The following TFCP2 variants were observed in gnomAD, a reference collection of about 807,000 sequenced individuals.
TFCP2 encodes transcription factor CP2, also known as alpha-globin transcription factor CP2.
A neutral mutation model predicts 73.4 loss-of-function variants in TFCP2; 33 were observed. That is an observed-to-expected ratio of 0.45 (90% CI 0.34 to 0.60). TFCP2 has a LOEUF of 0.60. TFCP2 is among the 20% of genes least tolerant of loss of function. The probability of loss-of-function intolerance (pLI) is 0.01; values close to 1 mark genes in which losing one functional copy is unlikely to be tolerated. For missense variants in TFCP2, 352 were observed against 604.0 expected, an observed-to-expected ratio of 0.58 and a Z score of 4.37; for synonymous variants, 193 against 211.6, an observed-to-expected ratio of 0.91 and a Z score of 0.76.
At chr12:51,158,521 C>T (rs1020166225) in intron 1 of TFCP2, among the ~76,000 whole-genome samples, 1 of 152,120 alleles carries the variant, frequency 6.6e-6, no homozygotes, top group Non-Finnish European at 1.5e-5. Flanking sequence ...TAGAGTCTTG[C>T]TCTGTCGCCC....
chr12:51,165,340 G>T (rs1941733974), intron 1 of TFCP2, among the ~76,000 whole-genome samples: 1 of 152,070 alleles, frequency 6.6e-6, no homozygotes, highest in African/African-American at 2.4e-5. Context: ...TCCCAGGAAT[G>T]CAAGAGTGGT....
At chr12:51,170,839 C>T (rs1050227570) in intron 1 of TFCP2, among the ~76,000 whole-genome samples, 2 of 152,018 alleles carry the variant, frequency 1.3e-5, no homozygotes, top group African/African-American at 2.4e-5. Context: ...CCACCACACC[C>T]GTCTAATTTT....
chr12:51,172,189 C>G, intron 1 of TFCP2, 112 bp downstream of exon 1: 2 of 1,442,994 alleles, frequency 1.4e-6, no homozygotes, highest in South Asian at 1.3e-5. Context: ...TTTCCCCAAT[C>G]GTAAACAGCT....
chr12:51,138,914 A>G (rs1209213245), intron 1 of TFCP2, among the ~76,000 whole-genome samples: 1 of 152,210 alleles, frequency 6.6e-6, no homozygotes, highest in Non-Finnish European at 1.5e-5. Flanking sequence ...CTGGGATTAC[A>G]GGTGTGAGCC....
intron 1 of TFCP2, among the ~76,000 whole-genome samples, chr12:51,119,857 C>T (rs918814399): frequency 4.6e-5 from 7 of 151,868 alleles, no homozygotes; most frequent in African/African-American, 1.7e-4. Context: ...AATGTAAGTC[C>T]ACCCAAGACT....
rs540212490 is a variant in TFCP2, at chr12:51,125,825, T to C, written c.123-7053A>G. Among the ~76,000 whole-genome samples, 121 of 152,210 alleles carry C rather than the reference T, an allele frequency of 7.9e-4. 3 individuals are homozygous for C. In the South Asian group the frequency reaches 0.02, roughly 25 times the overall value. ...AGATACAGAAATCACAGGCTGGGCG[T>C]GGTGGCTCATGCCTGTAATCCCAGC... is the stretch of plus-strand genomic sequence containing the variant. On this transcript the variant is annotated intron_variant, in intron 1 of 14. Transcript: ENST00000257915.
In TFCP2 at chr12:51,172,109, T is replaced by C. The variant is rs11169734; in HGVS notation, c.122+192A>G. On this transcript the variant is annotated intron_variant, in intron 1 of 14. Transcript: ENST00000257915. ...CCACTGATTCTGCACAGGCTTCATA[T>C]CGCCTACAATCGCTTTTTCCATTTC... 0.16 allele frequency among the ~76,000 whole-genome samples: 23,637 copies of C among 152,200 alleles called. 2,088 individuals are homozygous for C. The highest frequency in any genetic ancestry group is 0.23 in the Admixed American group (3,514 of 15,278).
chr12:51,130,188 T>C (rs1940908286), intron 1 of TFCP2, among the ~76,000 whole-genome samples: 1 of 151,498 alleles, frequency 6.6e-6, no homozygotes, highest in Non-Finnish European at 1.5e-5. Flanking sequence ...AAAGAAGCTG[T>C]TGGCCGGGCG....
At chr12:51,167,674 G>A (rs1193693786) in intron 1 of TFCP2, among the ~76,000 whole-genome samples, 3 of 152,104 alleles carry the variant, frequency 2.0e-5, no homozygotes, top group African/African-American at 4.8e-5. Flanking sequence ...GATTACAGGT[G>A]TGCACCACCA....
chr12:51,107,157 T>G (rs1458005070), intron 7 of TFCP2, 79 bp downstream of exon 7: 1 of 1,177,854 alleles, frequency 8.5e-7, no homozygotes, highest in African/African-American at 1.5e-5. Flanking sequence ...GAGAAGTAAA[T>G]TCTGACCAGT....
chr12:51,137,716 A>C (rs1941092071), intron 1 of TFCP2, among the ~76,000 whole-genome samples: 1 of 152,224 alleles, frequency 6.6e-6, no homozygotes, highest in Non-Finnish European at 1.5e-5. Flanking sequence ...GTTGAAGGGA[A>C]TCTGACTATT....
intron 1 of TFCP2, among the ~76,000 whole-genome samples, chr12:51,134,013 C>G (rs1486812669): frequency 6.7e-6 from 1 of 148,950 alleles, no homozygotes; most frequent in Non-Finnish European, 1.5e-5. Context: ...GATAAGAAAA[C>G]AAACAAAAAA....
At chr12:51,141,745 CAA>C in intron 1 of TFCP2, among the ~76,000 whole-genome samples, 1 of 135,992 alleles carries the variant, frequency 7.4e-6, no homozygotes. Flanking sequence ...ACTAAAAATA[CAA>C]AAAAAAAAAA....
At position 51,172,918 on chromosome 12, in the gene TFCP2, A is replaced by G. The variant is rs2137058374; in HGVS notation, c.-496T>C. ...GGCCTCGCTTCCGGTCAGTCCCACG[A>G]TCACTTCCGGTCACCCCTTCTCAAC... On this transcript the variant is annotated 5_prime_UTR_variant, in exon 1 of 15. Coordinates refer to ENST00000257915, the MANE Select transcript of TFCP2 (RefSeq NM_005653.5). 1 of 164,986 alleles carries G rather than the reference A, an allele frequency of 6.1e-6. No homozygotes were observed. Among genetic ancestry groups the G allele is most frequent in the Middle Eastern group, 3.1e-3 (1 of 324 alleles). The allele number at this position is 164,986 out of a possible 1,614,324, so 10.2% of individuals were successfully genotyped here. A position where few individuals can be genotyped will look rare whatever the true frequency, so the allele number is the denominator to read the frequency against.
At chr12:51,147,535 G>A (rs1045256767) in intron 1 of TFCP2, among the ~76,000 whole-genome samples, 7 of 151,608 alleles carry the variant, frequency 4.6e-5, no homozygotes, top group Non-Finnish European at 8.8e-5. Flanking sequence ...GAGGTGGGGG[G>A]GGAAAGAGAG....
At chr12:51,103,589 C>A in intron 10 of TFCP2, 81 bp downstream of exon 10, 1 of 1,038,074 alleles carries the variant, frequency 9.6e-7, no homozygotes, top group South Asian at 1.4e-5. Context: ...ACACACACAA[C>A]TCTCCCATGG....
At chr12:51,104,392 A>AG (rs1940180278) in intron 8 of TFCP2, among the ~76,000 whole-genome samples, 189 bp from the exon 9 acceptor site, 1 of 152,168 alleles carries the variant, frequency 6.6e-6, no homozygotes. Context: ...CTTTATGAGG[A>AG]GGGGGAGAAA....
intron 1 of TFCP2, among the ~76,000 whole-genome samples, chr12:51,124,183 A>T (rs893490986): frequency 1.3e-5 from 2 of 151,968 alleles, no homozygotes; most frequent in African/African-American, 4.8e-5. Context: ...GCTGCCTTCA[A>T]TTCCTGGGTT....
chr12:51,154,734 A>G (rs1210378547), intron 1 of TFCP2, among the ~76,000 whole-genome samples: 1 of 152,102 alleles, frequency 6.6e-6, no homozygotes, highest in East Asian at 1.9e-4. Flanking sequence ...TTCTCTCAAA[A>G]TATCTTATTG....
Sources: gnomAD v4.1 joint callset for allele counts (sites outside exome capture counted in the v4.1 genomes callset) on GRCh38, gnomAD v4.1.1 for gene constraint, MANE v1.5 for transcripts, NCBI Gene and HGNC (gene_info 2026-07-23, HGNC 2026-07-21) for gene names.